COLGALT2: variants seen among roughly 807,000 people sequenced by gnomAD.
COLGALT2 encodes the protein collagen beta(1-O)galactosyltransferase 2.
Under a neutral mutation model 73.4 loss-of-function variants are expected in COLGALT2, and 49 were observed. That is an observed-to-expected ratio of 0.67 (90% CI 0.53 to 0.85). The LOEUF (loss-of-function observed/expected upper bound fraction) is 0.85. COLGALT2 is among the 40% of genes least tolerant of loss of function. The pLI is 0.00. For missense variants in COLGALT2, 722 were observed against 790.2 expected (o/e 0.91, Z 1.03); for synonymous variants, 295 against 307.6 (o/e 0.96, Z 0.43).
chr1:183,970,145 G>C lies in COLGALT2; in HGVS notation c.628-672C>G, dbSNP rs558353689. Among the ~76,000 whole-genome samples the C allele has an allele frequency of 5.1e-4, 78 of 152,294 alleles. 1 individual carries two copies. The highest frequency in any genetic ancestry group is 1.4e-3 in the African/African-American group (58 of 41,556). On this transcript the variant is annotated intron_variant, in intron 4 of 11. Transcript: ENST00000361927. ...ATGCAGTTACTTAGTCAATATTCTG[G>C]TGAAGCTGCAGCTGCTCCATAGTTT...
chr1:183,988,374 C>T (rs1299785880), intron 1 of COLGALT2, among the ~76,000 whole-genome samples: 1 of 152,140 alleles, frequency 6.6e-6, no homozygotes, highest in Admixed American at 6.6e-5. Context: ...TTTCACATAT[C>T]GAATACTCAC....
intron 2 of COLGALT2, among the ~76,000 whole-genome samples, chr1:183,976,802 A>G (rs984626968): frequency 2.0e-5 from 3 of 152,346 alleles, no homozygotes; most frequent in African/African-American, 7.2e-5. Context: ...AAAAAGGATG[A>G]CATAGAATAT....
intron 2 of COLGALT2, among the ~76,000 whole-genome samples, chr1:183,976,734 G>C (rs980095818): frequency 1.3e-5 from 2 of 151,720 alleles, no homozygotes; most frequent in Non-Finnish European, 2.9e-5. Context: ...AACTTATTTA[G>C]AAAAAAAATA....
At chr1:184,000,167 G>A (rs1671878234) in intron 1 of COLGALT2, among the ~76,000 whole-genome samples, 1 of 152,090 alleles carries the variant, frequency 6.6e-6, no homozygotes, top group African/African-American at 2.4e-5. Context: ...GATATATTCT[G>A]AGAATGTGAT....
intron 1 of COLGALT2, among the ~76,000 whole-genome samples, chr1:183,980,116 C>T (rs1671307710): frequency 6.6e-6 from 1 of 151,332 alleles, no homozygotes; most frequent in Non-Finnish European, 1.5e-5. Context: ...ACAATTAAAG[C>T]AGTGATTAGA....
chr1:183,990,821 A>G (rs1671610921), intron 1 of COLGALT2, among the ~76,000 whole-genome samples: 2 of 152,358 alleles, frequency 1.3e-5, no homozygotes, highest in South Asian at 4.1e-4. Flanking sequence ...GGGCTGATGC[A>G]ATTGTCAGGG....
rs149857645 is a variant in COLGALT2, at chr1:183,954,582, T to A, written c.1029+180A>T. On this transcript the variant is annotated intron_variant, in intron 7 of 11. Transcript: ENST00000361927. ...CTACATTTATCATGATACTCCTTTT[T>A]TTAAGATAAGGAAACTGAGAACAAC... 8.7e-3 allele frequency among the ~76,000 whole-genome samples: 1,322 copies of A among 152,374 alleles called. 19 individuals carry two copies. The highest frequency in any genetic ancestry group is 0.031 in the African/African-American group (1,275 of 41,590).
At chr1:183,981,026 C>T (rs1671334463) in intron 1 of COLGALT2, among the ~76,000 whole-genome samples, 1 of 151,990 alleles carries the variant, frequency 6.6e-6, no homozygotes, top group South Asian at 2.1e-4. Flanking sequence ...ACAATTCAAG[C>T]AGATACTAAA....
At chr1:183,986,778 C>T (rs1307130729) in intron 1 of COLGALT2, among the ~76,000 whole-genome samples, 2 of 151,970 alleles carry the variant, frequency 1.3e-5, no homozygotes, top group Non-Finnish European at 2.9e-5. Context: ...TCTTTATTTC[C>T]CCTGTTATAG....
chr1:183,944,448 G>T, intron 9 of COLGALT2, 125 bp from the exon 10 acceptor site: 1 of 1,040,764 alleles, frequency 9.6e-7, no homozygotes, highest in Non-Finnish European at 1.4e-6. Context: ...CTAAGCAAAT[G>T]GCCATCAACA....
chr1:183,979,279 C>T (rs1420066209), intron 1 of COLGALT2, among the ~76,000 whole-genome samples: 1 of 151,896 alleles, frequency 6.6e-6, no homozygotes, highest in Non-Finnish European at 1.5e-5. Flanking sequence ...AACAGTTATT[C>T]AGAACACCTA....
At chr1:183,977,336 T>C (rs1671223510) in intron 2 of COLGALT2, among the ~76,000 whole-genome samples, 1 of 151,806 alleles carries the variant, frequency 6.6e-6, no homozygotes, top group Admixed American at 6.6e-5. Context: ...CTGGGTGTGG[T>C]GGCACACACC....
chr1:184,003,245 G>A (rs1671977775), intron 1 of COLGALT2, among the ~76,000 whole-genome samples: 1 of 152,186 alleles, frequency 6.6e-6, no homozygotes, highest in Non-Finnish European at 1.5e-5. Context: ...AATCTGGGAA[G>A]CAGAAGTGAC....
intron 8 of COLGALT2, among the ~76,000 whole-genome samples, chr1:183,948,451 C>T: frequency 6.6e-6 from 1 of 152,054 alleles, no homozygotes; most frequent in East Asian, 1.9e-4. Context: ...AAGTAACGTA[C>T]CATATTAACA....
intron 1 of COLGALT2, among the ~76,000 whole-genome samples, chr1:183,988,814 T>C (rs901146061): frequency 1.3e-5 from 2 of 152,222 alleles, no homozygotes; most frequent in East Asian, 3.8e-4. Flanking sequence ...GTACAGGTTT[T>C]TGTGTGAACA....
intron 1 of COLGALT2, among the ~76,000 whole-genome samples, chr1:184,035,714 TA>T (rs576133960): frequency 2.2e-3 from 336 of 152,146 alleles, no homozygotes; most frequent in African/African-American, 7.6e-3. Context: ...AAATATCTCT[TA>T]AAAAAAACAC....
Position 183,978,621 on chromosome 1 carries a change from T to TA in COLGALT2, c.264-102_264-101insT, listed in dbSNP as rs1157034215. 1,051 of 573,016 alleles carry TA rather than the reference T, an allele frequency of 1.8e-3. 7 individuals are homozygous for TA. Among genetic ancestry groups the TA allele is most frequent in the African/African-American group, 0.015 (704 of 46,172 alleles). 35.5% of individuals were successfully genotyped at this position (573,016 alleles called of 1,614,324 possible). ...TAACTGAAAGAAGAATGGCTACTCC[T>TA]GGAAAAAAAATTGTATATATGAAAA... On this transcript the variant is annotated intron_variant, in intron 1 of 11. Coordinates refer to ENST00000361927, the MANE Select transcript of COLGALT2 (RefSeq NM_015101.4).
chr1:183,977,535 C>T (rs1320977058), intron 2 of COLGALT2, among the ~76,000 whole-genome samples: 2 of 151,760 alleles, frequency 1.3e-5, no homozygotes, highest in East Asian at 1.9e-4. Flanking sequence ...CCTGTAATCC[C>T]AGCACTTTGG....
Position 184,037,340 on chromosome 1 carries a change from A to G in COLGALT2, c.18T>C (p.Ala6=), listed in dbSNP as rs1467738863. Residue 6 remains alanine (A), a synonymous_variant, in exon 1 of 12, where the codon GCT becomes GCC. Coordinates refer to ENST00000361927, the MANE Select transcript of COLGALT2 (RefSeq NM_015101.4). ...GCAGTAGCGACCAGGCGAGGGTGGC[A>G]GCAGGGCGCGCAGCCATGTTCCGGG... MAARP[A]ATLAWSLLLL... is the part of the protein sequence containing the mutation. The G allele has an allele frequency of 2.7e-6, 4 of 1,489,300 alleles. No homozygotes were observed. The highest frequency in any genetic ancestry group is 3.6e-6 in the Non-Finnish European group (4 of 1,119,180). The allele number at this position is 1,489,300 out of a possible 1,614,324, so 92.3% of individuals were successfully genotyped here.
Sources: gnomAD v4.1 joint callset for allele counts (sites outside exome capture counted in the v4.1 genomes callset) on GRCh38, gnomAD v4.1.1 for gene constraint, MANE v1.5 for transcripts, NCBI Gene and HGNC (gene_info 2026-07-23, HGNC 2026-07-21) for gene names.